Variants in MRPL48 observed in about 807,000 individuals in gnomAD.
MRPL48 encodes large ribosomal subunit protein mL48.
MRPL48 carries 16 observed loss-of-function variants against 32.9 expected under a neutral mutation model. That is an observed-to-expected ratio of 0.49 (90% CI 0.33 to 0.74). The LOEUF is 0.74. MRPL48 is among the 30% of genes least tolerant of loss of function. The pLI is 0.02. For missense variants in MRPL48, 206 were observed against 245.3 expected, an observed-to-expected ratio of 0.84 and a Z score of 1.07; for synonymous variants, 94 against 89.2, an observed-to-expected ratio of 1.05 and a Z score of -0.31.
At chr11:73,851,031 A>G (rs1948381786) in intron 5 of MRPL48, 3 of 485,220 alleles carry the variant, frequency 6.2e-6, no homozygotes, top group South Asian at 4.7e-5. Context: ...GCCATCAAAG[A>G]CCCATAAATT....
intron 1 of MRPL48, among the ~76,000 whole-genome samples, chr11:73,788,476 T>C (rs866649821): frequency 5.5e-4 from 78 of 142,494 alleles, no homozygotes; most frequent in East Asian, 2.2e-3. Context: ...TTCTTTCTTT[T>C]TTTTTTTTTT....
At chr11:73,810,460 G>A (rs1280553125) in intron 3 of MRPL48, among the ~76,000 whole-genome samples, 3 of 152,084 alleles carry the variant, frequency 2.0e-5, no homozygotes, top group African/African-American at 7.2e-5. Flanking sequence ...GGCGGAGGTT[G>A]CAGTGAGCCG....
intron 5 of MRPL48, 119 bp from the exon 6 acceptor site, chr11:73,859,788 C>A: frequency 1.3e-6 from 1 of 746,974 alleles, no homozygotes; most frequent in Non-Finnish European, 2.2e-6. Flanking sequence ...TGCAGATAAG[C>A]ATCCCCTACA....
At chr11:73,834,885 G>A (rs1447289666) in intron 4 of MRPL48, among the ~76,000 whole-genome samples, 2 of 150,260 alleles carry the variant, frequency 1.3e-5, no homozygotes, top group African/African-American at 4.9e-5. Context: ...AGCCTGGAGT[G>A]TAGTGGTGTG....
chr11:73,812,090 G>C (rs1429911868), intron 3 of MRPL48, among the ~76,000 whole-genome samples: 1 of 152,100 alleles, frequency 6.6e-6, no homozygotes, highest in Non-Finnish European at 1.5e-5. Flanking sequence ...GTTTCACCGT[G>C]TTAGCCAGGA....
intron 3 of MRPL48, among the ~76,000 whole-genome samples, chr11:73,808,717 T>C (rs1288216024): frequency 6.6e-6 from 1 of 151,212 alleles, no homozygotes; most frequent in Non-Finnish European, 1.5e-5. Flanking sequence ...AGGTCAGGAG[T>C]TCGAGACCAG....
intron 1 of MRPL48, among the ~76,000 whole-genome samples, chr11:73,788,460 GTTC>G: frequency 7.3e-6 from 1 of 137,232 alleles, no homozygotes; most frequent in East Asian, 2.2e-4. Context: ...CTAGGTTTTT[GTTC>G]TTTTCTTTCT....
In MRPL48 at chr11:73,820,012, C is replaced by T. The variant is rs148885746; in HGVS notation, c.113-5696C>T. Among the ~76,000 whole-genome samples the T allele has an allele frequency of 6.8e-3, 1,031 of 152,260 alleles. 8 individuals carry two copies. Among genetic ancestry groups the T allele is most frequent in the Non-Finnish European group, 9.8e-3 (665 of 68,026 alleles). On this transcript the variant is annotated intron_variant, in intron 3 of 7. Coordinates refer to ENST00000310614, the MANE Select transcript of MRPL48 (RefSeq NM_016055.6). ...GGATTAATCTGTCAGCTCTCAAGGA[C>T]GGAATAGAGGAGAGGGATGTTGGAG...
chr11:73,827,341 G>A (rs1212471865), intron 4 of MRPL48, among the ~76,000 whole-genome samples: 5 of 152,014 alleles, frequency 3.3e-5, no homozygotes, highest in African/African-American at 7.2e-5. Context: ...CCGAGATCAC[G>A]CCACTGTACT....
chr11:73,855,194 C>G (rs1003473374), intron 5 of MRPL48, among the ~76,000 whole-genome samples: 1 of 151,920 alleles, frequency 6.6e-6, no homozygotes, highest in African/African-American at 2.4e-5. Context: ...ATTCTCTATT[C>G]TTCTAACCGG....
At chr11:73,838,472 C>A (rs911589423) in intron 4 of MRPL48, among the ~76,000 whole-genome samples, 1 of 152,124 alleles carries the variant, frequency 6.6e-6, no homozygotes, top group African/African-American at 2.4e-5. Context: ...AAAGCAATAC[C>A]TTTGGAGAGT....
At chr11:73,861,267 G>T (rs1948579935) in intron 6 of MRPL48, among the ~76,000 whole-genome samples, 1 of 152,138 alleles carries the variant, frequency 6.6e-6, no homozygotes, top group Admixed American at 6.5e-5. Context: ...TAGTTTGAAT[G>T]CTTTAGGTTG....
intron 3 of MRPL48, chr11:73,822,905 G>C: frequency 2.4e-6 from 1 of 408,520 alleles, no homozygotes; most frequent in Non-Finnish European, 4.9e-6. Context: ...ATTCTCATAG[G>C]AGCATGAACT....
intron 4 of MRPL48, among the ~76,000 whole-genome samples, chr11:73,837,534 A>T (rs1316961292): frequency 6.6e-6 from 1 of 152,168 alleles, no homozygotes; most frequent in Non-Finnish European, 1.5e-5. Context: ...CCTTCAGAGG[A>T]CCTCAGTTTT....
At chr11:73,790,880 CTTTTTTTT>C (rs71469471) in intron 1 of MRPL48, among the ~76,000 whole-genome samples, 47 of 86,406 alleles carry the variant, frequency 5.4e-4, no homozygotes, top group African/African-American at 2.1e-3. Flanking sequence ...CTTTTCTGTT[CTTTTTTTT>C]TTTTTTTTTT....
At chr11:73,821,332 T>A (rs1041999777) in intron 3 of MRPL48, among the ~76,000 whole-genome samples, 1 of 152,152 alleles carries the variant, frequency 6.6e-6, no homozygotes, top group African/African-American at 2.4e-5. Context: ...TGACTATTAG[T>A]CTAATGATTC....
At chr11:73,801,459 C>T (rs1947362554) in intron 1 of MRPL48, among the ~76,000 whole-genome samples, 1 of 152,126 alleles carries the variant, frequency 6.6e-6, no homozygotes, top group South Asian at 2.1e-4. Flanking sequence ...GTGTATTGCA[C>T]ACATACTTTA....
At chr11:73,833,093 C>T (rs1201358470) in intron 4 of MRPL48, among the ~76,000 whole-genome samples, 2 of 152,092 alleles carry the variant, frequency 1.3e-5, no homozygotes, top group Admixed American at 1.3e-4. Context: ...AGAAGCAATT[C>T]TCCCCAAAAG....
chr11:73,795,224 G>A lies in MRPL48; in HGVS notation c.21+7232G>A, dbSNP rs895843600. Among the ~76,000 whole-genome samples, 7 of 151,676 alleles carry A rather than the reference G, an allele frequency of 4.6e-5. 1 individual carries two copies. Among genetic ancestry groups the A allele is most frequent in the South Asian group, 4.2e-4 (2 of 4,786 alleles). ...AGCCACTGCACCTGGCCTCATGCCC[G>A]GCTAATTTTTGTATTTTTAGTAGAG... On this transcript the variant is annotated intron_variant, in intron 1 of 7. Transcript: ENST00000310614.
Sources: allele counts gnomAD v4.1 joint callset (sites outside exome capture counted in the v4.1 genomes callset), GRCh38; gene constraint gnomAD v4.1.1; transcripts MANE v1.5; gene names NCBI Gene and HGNC (gene_info 2026-07-23, HGNC 2026-07-21).